The following CD99L2 variants were observed in gnomAD, a reference collection of about 807,000 sequenced individuals.
The protein encoded by CD99L2 is CD99 molecule like 2, also known as CD99 antigen-like protein 2.
A neutral mutation model predicts 27.3 loss-of-function variants in CD99L2; 24 were observed. The observed-to-expected ratio is 0.88, with a 90% CI of 0.64 to 1.24. CD99L2 has a LOEUF of 1.24. Ranked by LOEUF, CD99L2 falls within the 50% of genes most tolerant of loss-of-function variation. The pLI is 0.00. For synonymous variants in CD99L2, 97 were observed against 87.9 expected, an observed-to-expected ratio of 1.10 and a Z score of -0.58; for missense variants, 255 against 221.6, an observed-to-expected ratio of 1.15 and a Z score of -0.96.
intron 6 of CD99L2, among the ~76,000 whole-genome samples, chrX:150,794,855 G>A (rs112383036): frequency 0.038 from 4,313 of 112,297 alleles, 133 homozygotes; most frequent in African/African-American, 0.1. Context: ...ATGTAACAGC[G>A]TGCCGCTCTC....
chrX:150,794,776 C>T (rs1041877528), intron 6 of CD99L2, among the ~76,000 whole-genome samples: 2 of 111,750 alleles, frequency 1.8e-5, no homozygotes, highest in African/African-American at 3.3e-5. Context: ...CAACATCTCA[C>T]GATGGAATAA....
intron 4 of CD99L2, among the ~76,000 whole-genome samples, chrX:150,802,096 T>C (rs893540002): frequency 8.9e-6 from 1 of 111,913 alleles, no homozygotes; most frequent in Admixed American, 9.5e-5. Context: ...GAACTATATA[T>C]GTTTCTATTT....
chrX:150,778,982 G>A (rs1292035788), intron 7 of CD99L2, among the ~76,000 whole-genome samples: 9 of 111,605 alleles, frequency 8.1e-5, no homozygotes, highest in African/African-American at 1.3e-4. Context: ...GGTGGCTGTC[G>A]TGATGGCATC....
chrX:150,894,571 TTGTGTG>T (rs199941967), intron 1 of CD99L2, among the ~76,000 whole-genome samples: 5,308 of 99,733 alleles, frequency 0.053, 354 homozygotes, highest in African/African-American at 0.18. Flanking sequence ...TTCTTTTGTT[TTGTGTG>T]TGTGTGTGTG....
chrX:150,859,455 C>T (rs899761671), intron 1 of CD99L2, among the ~76,000 whole-genome samples: 3 of 109,471 alleles, frequency 2.7e-5, no homozygotes, highest in East Asian at 2.9e-4. Context: ...GCCGAGATCG[C>T]GCCATTGCAC....
chrX:150,806,338 G>A (rs2045993034), intron 4 of CD99L2, among the ~76,000 whole-genome samples: 1 of 111,950 alleles, frequency 8.9e-6, no homozygotes, highest in African/African-American at 3.2e-5. Context: ...TCACCACAGT[G>A]TAGAACTCCC....
At position 150,769,119 on chromosome X, in the gene CD99L2, C is replaced by G; in HGVS notation, c.722-18G>C. 2 of 1,160,162 alleles carry G rather than the reference C, an allele frequency of 1.7e-6. No homozygotes were observed. The highest frequency in any genetic ancestry group is 2.0e-5 in the South Asian group (1 of 49,575). ...GTATTTCACTAGGGGAAAAAGAGGC[C>G]GTCAGAAGGAATTCTGCTCTGTCTT... On this transcript the variant is annotated intron_variant, in intron 10 of 10. Transcript: ENST00000370377.
Position 150,769,882 on chromosome X carries a change from G to C in CD99L2, c.721+422C>G, listed in dbSNP as rs782312802. Among the ~76,000 whole-genome samples the C allele has an allele frequency of 4.4e-5, 5 of 113,291 alleles. No individual in the cohort carries two copies. In the East Asian group the frequency reaches 1.4e-3, roughly 32 times the overall value. ...ACAGAAGGGGGAGGGAGGGGCACAG[G>C]TGTTGACAATAGGGTCTGGGTTTTA... On this transcript the variant is annotated intron_variant, in intron 10 of 10. Coordinates refer to ENST00000370377, the MANE Select transcript of CD99L2 (RefSeq NM_031462.4).
At chrX:150,831,116 A>G in intron 2 of CD99L2, 115 bp downstream of exon 2, 1 of 645,138 alleles carries the variant, frequency 1.6e-6, no homozygotes, top group Non-Finnish European at 2.4e-6. Flanking sequence ...GGCACTATCC[A>G]TATTTCATCT....
At chrX:150,796,790 A>G (rs1451562166) in intron 4 of CD99L2, among the ~76,000 whole-genome samples, 1 of 112,581 alleles carries the variant, frequency 8.9e-6, no homozygotes, top group Non-Finnish European at 1.9e-5. Flanking sequence ...AATTATGCAG[A>G]GAGGTATCAT....
chrX:150,882,365 C>A (rs1557422514), intron 1 of CD99L2, among the ~76,000 whole-genome samples: 1 of 112,319 alleles, frequency 8.9e-6, no homozygotes, highest in Non-Finnish European at 1.9e-5. Context: ...ATATTATGTA[C>A]AAAGATATTT....
intron 1 of CD99L2, among the ~76,000 whole-genome samples, chrX:150,879,925 CAAAAAAAAAAAA>C (rs782555339): frequency 2.2e-4 from 6 of 27,326 alleles, no homozygotes; most frequent in Admixed American, 9.7e-4. Context: ...ACCCTGTCTC[CAAAAAAAAAAAA>C]AAAAAAAAAA....
chrX:150,833,011 C>T (rs1440810649), intron 1 of CD99L2, among the ~76,000 whole-genome samples: 1 of 103,924 alleles, frequency 9.6e-6, no homozygotes. Flanking sequence ...GCCGAGATCG[C>T]GCCACTGCAC....
chrX:150,779,451 C>G (rs186315439), intron 7 of CD99L2, among the ~76,000 whole-genome samples: 2 of 112,560 alleles, frequency 1.8e-5, no homozygotes, highest in African/African-American at 6.4e-5. Flanking sequence ...TAAGAAACAT[C>G]TGGAAGAAAA....
At chrX:150,786,871 C>T (rs957824489) in intron 7 of CD99L2, among the ~76,000 whole-genome samples, 2 of 112,270 alleles carry the variant, frequency 1.8e-5, no homozygotes, top group Admixed American at 1.9e-4. Context: ...ACAACCTCGT[C>T]AGCATTTATT....
chrX:150,845,928 C>T (rs1003446294), intron 1 of CD99L2, among the ~76,000 whole-genome samples: 8 of 112,360 alleles, frequency 7.1e-5, no homozygotes, highest in African/African-American at 2.3e-4. Context: ...CAGTGGCTCA[C>T]GCCTGTAATC....
intron 4 of CD99L2, among the ~76,000 whole-genome samples, chrX:150,804,914 G>A (rs1557420194): frequency 8.9e-6 from 1 of 111,982 alleles, no homozygotes; most frequent in Non-Finnish European, 1.9e-5. Context: ...GGCCAGGCGT[G>A]GTGGCTCATG....
intron 1 of CD99L2, among the ~76,000 whole-genome samples, chrX:150,832,967 A>G (rs1018787090): frequency 3.7e-5 from 4 of 107,976 alleles, no homozygotes; most frequent in African/African-American, 1.3e-4. Context: ...AGGCAGGAGA[A>G]TGGCATGAAC....
chrX:150,779,216 C>G (rs1461832969), intron 7 of CD99L2, among the ~76,000 whole-genome samples: 1 of 112,104 alleles, frequency 8.9e-6, no homozygotes, highest in East Asian at 2.8e-4. Context: ...CTAATTTCCC[C>G]CCAGGGACAA....
Sources: allele counts gnomAD v4.1 joint callset (sites outside exome capture counted in the v4.1 genomes callset), GRCh38; gene constraint gnomAD v4.1.1; transcripts MANE v1.5; gene names NCBI Gene and HGNC (gene_info 2026-07-23, HGNC 2026-07-21).